The following ATXN2 variants were observed in gnomAD, a reference collection of about 807,000 sequenced individuals.
ATXN2 encodes ataxin-2.
ATXN2 carries 37 observed loss-of-function variants against 138.6 expected under a neutral mutation model. The observed-to-expected ratio is 0.27, with a 90% CI of 0.21 to 0.35. The LOEUF (loss-of-function observed/expected upper bound fraction) is 0.35, where lower values mean the gene tolerates loss of function less well. ATXN2 is among the 10% of genes least tolerant of loss of function. The probability of loss-of-function intolerance (pLI) is 1.00; values close to 1 mark genes in which losing one functional copy is unlikely to be tolerated. For missense variants in ATXN2, 1,216 were observed against 1,480.3 expected, an observed-to-expected ratio of 0.82 and a Z score of 2.93; for synonymous variants, 549 against 543.7, an observed-to-expected ratio of 1.01 and a Z score of -0.13.
chr12:111,570,196 G>C (rs1008917477), intron 1 of ATXN2, among the ~76,000 whole-genome samples: 1 of 151,968 alleles, frequency 6.6e-6, no homozygotes, highest in Non-Finnish European at 1.5e-5. Flanking sequence ...AATGCTTCCT[G>C]ACAGGAAACT....
intron 1 of ATXN2, chr12:111,597,720 G>A (rs1885006823): frequency 3.3e-6 from 2 of 612,066 alleles, no homozygotes; most frequent in South Asian, 1.5e-5. Context: ...CCCGGCTTAG[G>A]AGGGAAAAAG....
At chr12:111,473,361 T>A (rs1322386335) in intron 18 of ATXN2, among the ~76,000 whole-genome samples, 1 of 152,156 alleles carries the variant, frequency 6.6e-6, no homozygotes. Context: ...TGGTTACCTT[T>A]GGAGGATAAC....
At chr12:111,524,851 C>G (rs1422917636) in intron 6 of ATXN2, among the ~76,000 whole-genome samples, 1 of 152,202 alleles carries the variant, frequency 6.6e-6, no homozygotes, top group East Asian at 1.9e-4. Flanking sequence ...TTTCCTTAGG[C>G]TACCTTATTT....
intron 1 of ATXN2, among the ~76,000 whole-genome samples, chr12:111,569,058 CA>C (rs1162695411): frequency 6.6e-6 from 1 of 152,108 alleles, no homozygotes; most frequent in African/African-American, 2.4e-5. Context: ...TAAATTCACA[CA>C]GAACAACTGC....
At chr12:111,468,247 ACAAGT>A (rs1460148143) in intron 20 of ATXN2, 1 of 152,266 alleles carries the variant, frequency 6.6e-6, no homozygotes, top group African/African-American at 2.4e-5. Flanking sequence ...ACAACTAAAG[ACAAGT>A]CAAATGACGG....
In ATXN2 at chr12:111,453,228, G is replaced by C; in HGVS notation, c.3440-388C>G. The C allele has an allele frequency of 9.3e-7, 1 of 1,078,124 alleles. No homozygotes were observed. Among genetic ancestry groups the C allele is most frequent in the Non-Finnish European group, 1.1e-6 (1 of 889,524 alleles). The allele number at this position is 1,078,124 out of a possible 1,614,324, so 66.8% of individuals were successfully genotyped here. ...ACAGGGCGCTCTCCCCTGTTCAGGGGCTGGGGCTAACGCTACACTCAAAGC... is the reference window on the plus strand; with the variant it reads ...ACAGGGCGCTCTCCCCTGTTCAGGGCCTGGGGCTAACGCTACACTCAAAGC... On this transcript the variant is annotated intron_variant, in intron 24 of 24. Coordinates refer to ENST00000673436, the MANE Select transcript of ATXN2 (RefSeq NM_001372574.1). The surrounding 1 kb of genome is among the most constrained non-coding windows in gnomAD (Gnocchi z 5.4).
intron 8 of ATXN2, 112 bp downstream of exon 8, chr12:111,519,767 A>T (rs1224900445): frequency 6.5e-7 from 1 of 1,529,254 alleles, no homozygotes; most frequent in Non-Finnish European, 8.8e-7. Context: ...TTCTACTTGC[A>T]TTCTCTACCT....
intron 5 of ATXN2, among the ~76,000 whole-genome samples, chr12:111,533,567 G>A (rs146220663): frequency 0.021 from 3,161 of 149,862 alleles, 61 homozygotes; most frequent in Non-Finnish European, 0.028. Context: ...ACTCTGTTGC[G>A]CAGGCTGGAG....
intron 1 of ATXN2, among the ~76,000 whole-genome samples, chr12:111,577,983 G>GTC (rs1883772867): frequency 6.6e-6 from 1 of 150,592 alleles, no homozygotes; most frequent in South Asian, 2.1e-4. Context: ...ATCACCTGAG[G>GTC]TCAGGAGTTC....
intron 23 of ATXN2, chr12:111,455,069 C>T: frequency 1.4e-6 from 1 of 703,018 alleles, no homozygotes; most frequent in Non-Finnish European, 2.6e-6. Context: ...AGAGATAGAT[C>T]CAACTGAGTC....
chr12:111,497,624 A>T (rs537198233), intron 14 of ATXN2, among the ~76,000 whole-genome samples: 74 of 150,874 alleles, frequency 4.9e-4, no homozygotes, highest in South Asian at 1.3e-3. Context: ...AAGACTAAAA[A>T]ATATATATAT....
chr12:111,513,724 A>G (rs939591803), intron 10 of ATXN2, among the ~76,000 whole-genome samples, 185 bp from the exon 11 acceptor site: 4 of 151,750 alleles, frequency 2.6e-5, no homozygotes, highest in African/African-American at 9.7e-5. Flanking sequence ...TTCTTTCAGA[A>G]TTATTTTGTG....
At chr12:111,588,991 CAAAAAAAAAAAAA>C (rs58116265) in intron 1 of ATXN2, among the ~76,000 whole-genome samples, 7,125 of 38,820 alleles carry the variant, frequency 0.18, 974 homozygotes, top group African/African-American at 0.42. Context: ...CGAGATTTCT[CAAAAAAAAAAAAA>C]AAAAAAAAAA....
At chr12:111,558,086 C>T (rs1037262780) in intron 1 of ATXN2, among the ~76,000 whole-genome samples, 2 of 152,018 alleles carry the variant, frequency 1.3e-5, no homozygotes, top group South Asian at 2.1e-4. Context: ...CTCAAAAGAA[C>T]GAATCATTCA....
rs755078114 is a variant in ATXN2 at position 111,552,950 on chromosome 12, T to C, written c.376A>G (p.Asn126Asp). The C allele has an allele frequency of 6.4e-7, 1 of 1,567,598 alleles. No individual in the cohort carries two copies. Among genetic ancestry groups the C allele is most frequent in the Non-Finnish European group, 8.6e-7 (1 of 1,162,586 alleles). The change falls in exon 4 of 25, where the codon AAT (asparagine) becomes GAT (aspartate). Residue 126 changes from asparagine (N) to aspartate (D), a missense_variant. Physicochemically the swap from Asn to Asp is conservative, Grantham distance 23. Transcript: ENST00000673436. The surrounding 1 kb of genome is among the most constrained non-coding windows in gnomAD (Gnocchi z 4.1). ...AAAACTCCTTCATATATACCTCCAT[T>C]TTTCACTTGTACTTCACATTTGGAG... ...VGSKCEVQVK[N>D]GGIYEGVFKT... is the part of the protein sequence containing the mutation.
In ATXN2 at chr12:111,525,108, A is replaced by G. The variant is rs891781333; in HGVS notation, c.696+84T>C. The stretch of plus-strand genomic sequence containing the variant: ...ATACACTCACTACAATAACAACAAC[A>G]ACAAAAGCACATTTAAATTACAACC... On this transcript the variant is annotated intron_variant, in intron 6 of 24. Coordinates refer to ENST00000673436, the MANE Select transcript of ATXN2 (RefSeq NM_001372574.1). The G allele has an allele frequency of 1.0e-5, 15 of 1,495,272 alleles. No homozygotes were observed. The Admixed American group carries it at 3.4e-4, about 34-fold the overall frequency. The allele number at this position is 1,495,272 out of a possible 1,614,324, so 92.6% of individuals were successfully genotyped here.
rs1184011091 is a variant in ATXN2, at chr12:111,513,544, G to T, written c.1376-5C>A. 6.8e-6 allele frequency: 11 copies of T among 1,606,286 alleles called. No individual in the cohort carries two copies. Among genetic ancestry groups the T allele is most frequent in the Non-Finnish European group, 8.5e-6 (10 of 1,177,372 alleles). On this transcript the variant is annotated splice_region_variant and splice_polypyrimidine_tract_variant and intron_variant, in intron 10 of 24. Coordinates refer to ENST00000673436, the MANE Select transcript of ATXN2 (RefSeq NM_001372574.1). ...TTGGGGACATCCTTGGAGGCCCTAA[G>T]GAAGAAACAGTGAACATCACATAAA...
chr12:111,452,820 G>A lies in ATXN2; in HGVS notation c.3460C>T (p.Gln1154Ter), dbSNP rs1160287363. The A allele has an allele frequency of 1.2e-6, 2 of 1,613,912 alleles. No individual in the cohort carries two copies. Among genetic ancestry groups the A allele is most frequent in the Non-Finnish European group, 1.7e-6 (2 of 1,179,872 alleles). Residue 1154 changes from glutamine to a stop codon, truncating the protein, a stop_gained, in exon 25 of 25, where the codon CAG (glutamine) becomes TAG (stop). Coordinates refer to ENST00000673436, the MANE Select transcript of ATXN2 (RefSeq NM_001372574.1). LOFTEE classifies it high-confidence loss of function. ...HPSVQAHHQQQL is the reference protein window; with the variant it reads ...HPSVQAHHQQ The stretch of plus-strand genomic sequence containing the variant: ...GTTCCTCCAGGGCAGCCTTACAACT[G>A]CTGTTGGTGGTGGGCTTGTACTGTA...
At chr12:111,525,932 T>C (rs570252378) in intron 5 of ATXN2, among the ~76,000 whole-genome samples, 1 of 152,000 alleles carries the variant, frequency 6.6e-6, no homozygotes, top group Non-Finnish European at 1.5e-5. Context: ...TACCCCCACC[T>C]TGGCCTCCCA....
Sources: allele counts gnomAD v4.1 joint callset (sites outside exome capture counted in the v4.1 genomes callset), GRCh38; gene constraint gnomAD v4.1.1; non-coding constraint Gnocchi (gnomAD v3.1); transcripts MANE v1.5; gene names NCBI Gene and HGNC (gene_info 2026-07-23, HGNC 2026-07-21).